The following ZNF487 variants were observed in gnomAD, a reference collection of about 807,000 sequenced individuals.
The protein encoded by ZNF487 is zinc finger protein 487.
A neutral mutation model predicts 3.0 loss-of-function variants in ZNF487; 4 were observed. The ratio of observed to expected loss-of-function variants is 1.35; its 90% CI spans 0.66 to 3.08. The LOEUF (loss-of-function observed/expected upper bound fraction) is 3.08. ZNF487 is among the 30% of genes most tolerant of loss of function. The probability of loss-of-function intolerance (pLI) is 0.01; values close to 1 mark genes in which losing one functional copy is unlikely to be tolerated. For missense variants in ZNF487, 146 were observed against 98.7 expected (o/e 1.48, Z -2.03); for synonymous variants, 55 against 34.6 (o/e 1.59, Z -2.06).
chr10:43,459,767 G>GA (rs1840352927), intron 1 of ZNF487, among the ~76,000 whole-genome samples: 1 of 120,052 alleles, frequency 8.3e-6, no homozygotes, highest in East Asian at 2.5e-4. Flanking sequence ...CAGGCTGTGA[G>GA]TTTATTATTA....
At chr10:43,437,384 G>A (rs546195873) in intron 1 of ZNF487, 122 bp downstream of exon 1, 2 of 160,750 alleles carry the variant, frequency 1.2e-5, no homozygotes, top group Non-Finnish European at 1.4e-5. Context: ...ATCAGGGCGA[G>A]TCGTGGCAGA....
Position 43,466,341 on chromosome 10 carries a change from G to C in ZNF487, c.-93-9380G>C, listed in dbSNP as rs571388249. Among the ~76,000 whole-genome samples the C allele has an allele frequency of 8.6e-5, 13 of 151,876 alleles. 1 individual carries two copies. The South Asian group carries it at 2.7e-3, about 32-fold the overall frequency. On this transcript the variant is annotated intron_variant, in intron 1 of 3. Coordinates refer to ENST00000437590, the MANE Select transcript of ZNF487 (RefSeq NM_001355444.3). The stretch of plus-strand genomic sequence containing the variant: ...TTACAGGCATGAGCCACTGTGCCTG[G>C]CTGGCATATTTGTTTATAGCATGGT...
the ZNF487 span, among the ~76,000 whole-genome samples, chr10:43,510,653 T>G: frequency 1.3e-5 from 2 of 152,196 alleles, no homozygotes; most frequent in Non-Finnish European, 2.9e-5. Flanking sequence ...GTTCAAGCAA[T>G]TCTCCTGCCT....
chr10:43,513,166 G>A, the ZNF487 span, among the ~76,000 whole-genome samples: 2 of 152,324 alleles, frequency 1.3e-5, no homozygotes, highest in Non-Finnish European at 2.9e-5. Context: ...AAGAAAAAGC[G>A]ATCAAGGTGC....
At chr10:43,494,217 A>G in the ZNF487 span, among the ~76,000 whole-genome samples, 24 of 152,262 alleles carry the variant, frequency 1.6e-4, no homozygotes, top group Non-Finnish European at 2.9e-4. Context: ...CAGCTTAGAC[A>G]ATACACAAAC....
intron 1 of ZNF487, among the ~76,000 whole-genome samples, chr10:43,473,837 G>A (rs760335268): frequency 1.3e-5 from 2 of 151,976 alleles, no homozygotes; most frequent in Non-Finnish European, 2.9e-5. Flanking sequence ...ACCAACCTGG[G>A]TAACATAGTG....
chr10:43,466,691 A>G (rs1840719619), intron 1 of ZNF487, among the ~76,000 whole-genome samples: 1 of 152,030 alleles, frequency 6.6e-6, no homozygotes, highest in Non-Finnish European at 1.5e-5. Context: ...GTGAGCCACC[A>G]TGCCCAGCTG....
At chr10:43,502,145 A>G in the ZNF487 span, among the ~76,000 whole-genome samples, 1 of 152,234 alleles carries the variant, frequency 6.6e-6, no homozygotes, top group Non-Finnish European at 1.5e-5. Context: ...ATGTCCATCA[A>G]TGATAGACTG....
chr10:43,515,245 C>T, the ZNF487 span, among the ~76,000 whole-genome samples: 1 of 152,156 alleles, frequency 6.6e-6, no homozygotes, highest in African/African-American at 2.4e-5. Flanking sequence ...ATACTCTCAA[C>T]CTCACCTCTA....
At chr10:43,514,194 G>T in the ZNF487 span, among the ~76,000 whole-genome samples, 2 of 152,150 alleles carry the variant, frequency 1.3e-5, no homozygotes, top group African/African-American at 4.8e-5. Context: ...AGGCTGGAAT[G>T]CATTGGTGTG....
At chr10:43,468,722 C>A (rs1393300942) in intron 1 of ZNF487, among the ~76,000 whole-genome samples, 1 of 145,790 alleles carries the variant, frequency 6.9e-6, no homozygotes, top group East Asian at 2.1e-4. Flanking sequence ...CGCAGTGGCT[C>A]ACGCCTGTAA....
At chr10:43,483,701 T>A (rs1346659889), downstream of ZNF487, among the ~76,000 whole-genome samples, 1 of 152,178 alleles carries the variant, frequency 6.6e-6, no homozygotes, top group Non-Finnish European at 1.5e-5. Context: ...CTAATTTTTG[T>A]ATTTTTTGTA....
At chr10:43,490,056 TAGA>T in the ZNF487 span, among the ~76,000 whole-genome samples, 3 of 152,044 alleles carry the variant, frequency 2.0e-5, no homozygotes, top group Non-Finnish European at 2.9e-5. Flanking sequence ...AGCTTAAAAG[TAGA>T]AGGATTGAGG....
chr10:43,459,633 C>CG (rs1840346895), intron 1 of ZNF487, among the ~76,000 whole-genome samples: 1 of 151,958 alleles, frequency 6.6e-6, no homozygotes, highest in African/African-American at 2.4e-5. Context: ...TGCAGTGTTG[C>CG]GATCACAGCT....
chr10:43,523,058 AG>A, the ZNF487 span, among the ~76,000 whole-genome samples: 1 of 152,188 alleles, frequency 6.6e-6, no homozygotes, highest in African/African-American at 2.4e-5. Flanking sequence ...TTTTATTTGC[AG>A]ATTCCTCTCC....
At chr10:43,490,694 G>A in the ZNF487 span, among the ~76,000 whole-genome samples, 4 of 140,686 alleles carry the variant, frequency 2.8e-5, no homozygotes, top group African/African-American at 8.0e-5. Flanking sequence ...TTTTTTTTGA[G>A]ATGGAATTTC....
intron 1 of ZNF487, among the ~76,000 whole-genome samples, chr10:43,469,259 C>T (rs777583922): frequency 1.3e-5 from 2 of 151,956 alleles, no homozygotes; most frequent in Non-Finnish European, 1.5e-5. Context: ...TGCAGTGGTG[C>T]GACCTTGGCT....
chr10:43,489,508 C>T, the ZNF487 span, among the ~76,000 whole-genome samples: 2 of 152,072 alleles, frequency 1.3e-5, no homozygotes, highest in Non-Finnish European at 2.9e-5. Flanking sequence ...CGCCGGCCAC[C>T]AAGCCTGGCT....
At chr10:43,484,361 C>G (rs1429296022), downstream of ZNF487, among the ~76,000 whole-genome samples, 1 of 151,936 alleles carries the variant, frequency 6.6e-6, no homozygotes, top group Non-Finnish European at 1.5e-5. Context: ...AATCCCAGCA[C>G]TCTGGGAGGC....
Sources: gnomAD v4.1 joint callset for allele counts (sites outside exome capture counted in the v4.1 genomes callset) on GRCh38, gnomAD v4.1.1 for gene constraint, MANE v1.5 for transcripts, NCBI Gene and HGNC (gene_info 2026-07-23, HGNC 2026-07-21) for gene names.